ANKS1B: variants seen among roughly 807,000 people sequenced by gnomAD.
ANKS1B encodes ankyrin repeat and sterile alpha motif domain containing 1B.
ANKS1B carries 36 observed loss-of-function variants against 148.3 expected under a neutral mutation model. The observed-to-expected ratio is 0.24, with a 90% confidence interval of 0.19 to 0.32. The LOEUF is 0.32. Among genes scored for constraint, ANKS1B ranks in the 10% least tolerant of loss-of-function variants. ANKS1B has a pLI of 1.00. For missense variants in ANKS1B, 1,157 were observed against 1,542.6 expected, an observed-to-expected ratio of 0.75 and a Z score of 4.19; for synonymous variants, 542 against 560.8, an observed-to-expected ratio of 0.97 and a Z score of 0.47.
chr12:99,199,788 C>T (rs544980372), intron 14 of ANKS1B, among the ~76,000 whole-genome samples: 7 of 152,130 alleles, frequency 4.6e-5, no homozygotes, highest in Non-Finnish European at 8.8e-5. Context: ...TCCTGAGGCT[C>T]ATCATATTTT....
At chr12:99,583,151 G>A (rs1297887074) in intron 9 of ANKS1B, among the ~76,000 whole-genome samples, 1 of 152,062 alleles carries the variant, frequency 6.6e-6, no homozygotes, top group Non-Finnish European at 1.5e-5. Context: ...TGGTTTTTTT[G>A]TTGCACATAC....
intron 9 of ANKS1B, among the ~76,000 whole-genome samples, chr12:99,636,556 G>A (rs561005669): frequency 2.6e-5 from 4 of 152,174 alleles, no homozygotes; most frequent in Non-Finnish European, 5.9e-5. Context: ...TACACTGGAG[G>A]CCATTTTAAA....
In ANKS1B at chr12:99,783,298, C is replaced by A. The variant is rs138628956; in HGVS notation, c.670-1201G>T. 6.9e-3 allele frequency among the ~76,000 whole-genome samples: 1,048 copies of A among 151,924 alleles called. 3 individuals carry two copies. The highest frequency in any genetic ancestry group is 0.011 in the Non-Finnish European group (726 of 67,972). On this transcript the variant is annotated intron_variant, in intron 4 of 26. Coordinates refer to ENST00000683438, the MANE Select transcript of ANKS1B (RefSeq NM_001352186.2). Reference sequence around the variant, plus strand: ...TAGCCTACTTTAAATATGCTCAGAACACTTACATTAACCTAGTGTTGGGCA... The same window carrying A: ...TAGCCTACTTTAAATATGCTCAGAAAACTTACATTAACCTAGTGTTGGGCA...
At chr12:99,375,864 C>G (rs1044077955) in intron 12 of ANKS1B, among the ~76,000 whole-genome samples, 2 of 152,096 alleles carry the variant, frequency 1.3e-5, no homozygotes, top group African/African-American at 4.8e-5. Context: ...TGTTCTAGTC[C>G]TAGAAAGAAT....
chr12:99,313,277 T>A (rs2083452802), intron 12 of ANKS1B, among the ~76,000 whole-genome samples: 2 of 152,130 alleles, frequency 1.3e-5, no homozygotes, highest in South Asian at 4.1e-4. Flanking sequence ...AGTAATAGCC[T>A]ATCAACTAAA....
intron 17 of ANKS1B, among the ~76,000 whole-genome samples, chr12:98,866,183 G>A (rs575933038): frequency 3.9e-5 from 6 of 152,196 alleles, no homozygotes; most frequent in Admixed American, 2.0e-4. Flanking sequence ...CTTTTTGAGC[G>A]AAGTAGGCCC....
intron 16 of ANKS1B, among the ~76,000 whole-genome samples, chr12:99,076,152 G>T (rs926714879): frequency 6.6e-6 from 1 of 152,024 alleles, no homozygotes; most frequent in Non-Finnish European, 1.5e-5. Context: ...TAGAATAGAG[G>T]CTGGGTTTTT....
In ANKS1B at chr12:99,183,218, G is replaced by T. The variant is rs1362471163; in HGVS notation, c.2420-28823C>A. ...ACCTTCATTCCCTAATGTTTTTATGGATGATCTAGATATCACAAGACACAT... is the reference window on the plus strand; with the variant it reads ...ACCTTCATTCCCTAATGTTTTTATGTATGATCTAGATATCACAAGACACAT... On this transcript the variant is annotated intron_variant, in intron 14 of 26. Coordinates refer to ENST00000683438, the MANE Select transcript of ANKS1B (RefSeq NM_001352186.2). 2.0e-5 allele frequency among the ~76,000 whole-genome samples: 3 copies of T among 152,136 alleles called. No homozygotes were observed. The East Asian group carries it at 5.8e-4, about 29-fold the overall frequency.
At chr12:99,230,685 C>T (rs1179987007) in intron 14 of ANKS1B, among the ~76,000 whole-genome samples, 1 of 152,060 alleles carries the variant, frequency 6.6e-6, no homozygotes, top group East Asian at 1.9e-4. Flanking sequence ...GTGCTAAATA[C>T]ATTTTAGCGT....
At chr12:98,881,892 A>G (rs1407954305) in intron 17 of ANKS1B, among the ~76,000 whole-genome samples, 19 of 152,176 alleles carry the variant, frequency 1.2e-4, no homozygotes, top group Admixed American at 1.1e-3. Context: ...TGGAATAAGT[A>G]TATACTTCAC....
intron 15 of ANKS1B, among the ~76,000 whole-genome samples, chr12:99,128,369 T>C (rs1247296918): frequency 6.6e-6 from 1 of 152,206 alleles, no homozygotes; most frequent in Non-Finnish European, 1.5e-5. Context: ...TAGTGTCCTG[T>C]TGCTGCATGG....
intron 12 of ANKS1B, among the ~76,000 whole-genome samples, chr12:99,258,779 T>C (rs1216332148): frequency 6.6e-6 from 1 of 152,142 alleles, no homozygotes. Flanking sequence ...GGAAACTATG[T>C]AGAACTGACA....
At chr12:98,884,667 C>T (rs1417667445) in intron 17 of ANKS1B, among the ~76,000 whole-genome samples, 2 of 151,574 alleles carry the variant, frequency 1.3e-5, no homozygotes, top group East Asian at 1.9e-4. Flanking sequence ...GGCGCGGTGG[C>T]GGGCGCCTGT....
chr12:98,893,387 A>C (rs184323285), intron 17 of ANKS1B, among the ~76,000 whole-genome samples: 94 of 152,320 alleles, frequency 6.2e-4, no homozygotes, highest in African/African-American at 2.1e-3. Context: ...GCGGAGTACA[A>C]GGAATACAGA....
At chr12:99,305,047 T>C (rs764106197) in intron 12 of ANKS1B, among the ~76,000 whole-genome samples, 4 of 151,972 alleles carry the variant, frequency 2.6e-5, no homozygotes, top group Non-Finnish European at 5.9e-5. Context: ...CTTACAATCA[T>C]AGCAGAAGGC....
At chr12:98,749,110 T>C (rs7957796) in intron 26 of ANKS1B, among the ~76,000 whole-genome samples, 4,465 of 152,184 alleles carry the variant, frequency 0.029, 223 homozygotes, top group African/African-American at 0.1. Context: ...CTTACATTTT[T>C]TTTTTTGAGA....
rs563148416 is a variant in ANKS1B at position 99,675,384 on chromosome 12, CAT to C, written c.1129-20176_1129-20175del. On this transcript the variant is annotated intron_variant, in intron 8 of 26. Coordinates refer to ENST00000683438, the MANE Select transcript of ANKS1B (RefSeq NM_001352186.2). ...GAAAATATTTAAAGATCTTTAAAAT[CAT>C]ATTCTCAGAAAATATTTAGTAATAT... Among the ~76,000 whole-genome samples the C allele has an allele frequency of 1.6e-3, 246 of 151,838 alleles. 1 individual carries two copies. Among genetic ancestry groups the C allele is most frequent in the Admixed American group, 7.7e-3 (118 of 15,258 alleles).
rs564810453 is a variant in ANKS1B, at chr12:99,465,353, G to T, written c.1439-21544C>A. 1.7e-3 allele frequency among the ~76,000 whole-genome samples: 259 copies of T among 152,320 alleles called. 1 individual carries two copies. The highest frequency in any genetic ancestry group is 5.6e-3 in the African/African-American group (231 of 41,574). The stretch of plus-strand genomic sequence containing the variant: ...CTGCAAAATCACGCCAAATTGTAAA[G>T]ACCATCGAGGCTAGGAAGAAACTGC... On this transcript the variant is annotated intron_variant, in intron 10 of 26. Coordinates refer to ENST00000683438, the MANE Select transcript of ANKS1B (RefSeq NM_001352186.2).
chr12:99,248,847 G>T (rs1602057285), intron 12 of ANKS1B, among the ~76,000 whole-genome samples: 1 of 152,142 alleles, frequency 6.6e-6, no homozygotes, highest in Admixed American at 6.5e-5. Context: ...TCTAGGGTTG[G>T]TTTATCCATA....
Sources: gnomAD v4.1 joint callset for allele counts (sites outside exome capture counted in the v4.1 genomes callset) on GRCh38, gnomAD v4.1.1 for gene constraint, MANE v1.5 for transcripts, NCBI Gene and HGNC (gene_info 2026-07-23, HGNC 2026-07-21) for gene names.